The following IQGAP2 variants were observed in gnomAD, a reference collection of about 807,000 sequenced individuals.
IQGAP2 encodes ras GTPase-activating-like protein IQGAP2.
In IQGAP2, 173 loss-of-function variants were observed where a neutral mutation model predicts 201.3. The observed-to-expected ratio is 0.86, with a 90% confidence interval of 0.76 to 0.98. The LOEUF is 0.98. IQGAP2 is among the 50% of genes least tolerant of loss of function. IQGAP2 has a pLI of 0.00. For missense variants in IQGAP2, 1,687 were observed against 1,864.8 expected, an observed-to-expected ratio of 0.90 and a Z score of 1.76; for synonymous variants, 675 against 673.9, an observed-to-expected ratio of 1.00 and a Z score of -0.03.
intron 35 of IQGAP2, 130 bp from the exon 36 acceptor site, chr5:76,707,070 A>G: frequency 3.2e-6 from 2 of 620,078 alleles, no homozygotes. Flanking sequence ...CAACCTGGGC[A>G]ACATAGTTAG....
chr5:76,441,410 C>A, intron 1 of IQGAP2: 1 of 705,668 alleles, frequency 1.4e-6, no homozygotes, highest in Non-Finnish European at 1.7e-6. Flanking sequence ...GAATTAACTA[C>A]CTAAAGTACC....
chr5:76,609,038 TC>T, intron 12 of IQGAP2: 1 of 1,477,344 alleles, frequency 6.8e-7, no homozygotes, highest in Non-Finnish European at 9.1e-7. Flanking sequence ...ATGCATATGT[TC>T]CCAGAGGGCT....
chr5:76,454,750 C>T (rs1194616307), intron 1 of IQGAP2, among the ~76,000 whole-genome samples: 3 of 151,262 alleles, frequency 2.0e-5, no homozygotes, highest in Non-Finnish European at 4.4e-5. Context: ...CCGCAATAAA[C>T]ATACGTGTGC....
At chr5:76,438,025 TTTTTTGTTTG>T (rs1752807243) in intron 1 of IQGAP2, among the ~76,000 whole-genome samples, 1 of 53,594 alleles carries the variant, frequency 1.9e-5, no homozygotes, top group African/African-American at 7.0e-5. Flanking sequence ...TTTTTTTTTT[TTTTTTGTTTG>T]TTTTTTTTTT....
chr5:76,508,267 C>T (rs973281427), intron 2 of IQGAP2, among the ~76,000 whole-genome samples: 8 of 151,542 alleles, frequency 5.3e-5, no homozygotes, highest in South Asian at 2.1e-4. Flanking sequence ...CCAGGAGAGC[C>T]GAGATCTCGC....
chr5:76,564,541 T>C (rs940651151), intron 3 of IQGAP2, among the ~76,000 whole-genome samples: 4 of 152,216 alleles, frequency 2.6e-5, no homozygotes, highest in African/African-American at 7.2e-5. Flanking sequence ...ACCTTGAATA[T>C]AGGAGTGTCC....
chr5:76,496,734 TTTCTTTCTTTCTTTCTTTC>T, intron 2 of IQGAP2, among the ~76,000 whole-genome samples: 1 of 38,446 alleles, frequency 2.6e-5, no homozygotes, highest in Non-Finnish European at 5.2e-5. Context: ...CTTTTCTTTC[TTTCTTTCTTTCTTTCTTTC>T]TTTCTTTCTT....
chr5:76,529,687 T>A (rs889441220), intron 2 of IQGAP2, among the ~76,000 whole-genome samples: 2 of 149,972 alleles, frequency 1.3e-5, no homozygotes, highest in African/African-American at 4.9e-5. Flanking sequence ...TGGTTATTTT[T>A]AAAGTAATAT....
intron 9 of IQGAP2, among the ~76,000 whole-genome samples, chr5:76,595,795 AG>A (rs1181070440): frequency 2.6e-5 from 4 of 151,862 alleles, no homozygotes; most frequent in African/African-American, 9.7e-5. Flanking sequence ...AGAGAGAGAG[AG>A]AGAAAACAGT....
intron 32 of IQGAP2, 85 bp downstream of exon 32, chr5:76,695,751 CATTAGGG>C: frequency 9.8e-7 from 1 of 1,023,346 alleles, no homozygotes; most frequent in Non-Finnish European, 1.5e-6. Context: ...TGTGAGGTGG[CATTAGGG>C]ATTCATGGTT....
Position 76,695,437 on chromosome 5 carries a change from T to C in IQGAP2, c.3994-17T>C. 1.9e-6 allele frequency: 3 copies of C among 1,602,096 alleles called. No homozygotes were observed. Among genetic ancestry groups the C allele is most frequent in the Non-Finnish European group, 2.6e-6 (3 of 1,169,174 alleles). ...GGGGATCAGAGAAAACTCAGCATCTTGATATTCTCTTTTCAGGAGGTAGAC... is the reference window on the plus strand; with the variant it reads ...GGGGATCAGAGAAAACTCAGCATCTCGATATTCTCTTTTCAGGAGGTAGAC... On this transcript the variant is annotated splice_polypyrimidine_tract_variant and intron_variant, in intron 31 of 35. Transcript: ENST00000274364.
At chr5:76,596,213 T>C (rs1262751793) in intron 9 of IQGAP2, among the ~76,000 whole-genome samples, 2 of 152,232 alleles carry the variant, frequency 1.3e-5, no homozygotes, top group Non-Finnish European at 2.9e-5. Context: ...GAATCTTAGC[T>C]GCAATCTAGT....
At chr5:76,442,622 C>T (rs1447430046) in intron 1 of IQGAP2, among the ~76,000 whole-genome samples, 1 of 152,222 alleles carries the variant, frequency 6.6e-6, no homozygotes, top group Non-Finnish European at 1.5e-5. Flanking sequence ...TGCATGTAAA[C>T]ATCTCTACTT....
chr5:76,496,698 CTG>C (rs1756908811), intron 2 of IQGAP2, among the ~76,000 whole-genome samples: 1 of 79,554 alleles, frequency 1.3e-5, no homozygotes, highest in Non-Finnish European at 2.4e-5. Context: ...TTCTTTCTTT[CTG>C]TCTCTTTCTT....
At chr5:76,661,952 T>A (rs185268563) in intron 21 of IQGAP2, among the ~76,000 whole-genome samples, 1 of 152,240 alleles carries the variant, frequency 6.6e-6, no homozygotes, top group South Asian at 2.1e-4. Context: ...GGGACTATCA[T>A]GAACAAGCCA....
At chr5:76,577,199 C>T (rs1745528413) in intron 5 of IQGAP2, among the ~76,000 whole-genome samples, 1 of 146,070 alleles carries the variant, frequency 6.8e-6, no homozygotes. Flanking sequence ...TGTTAAGGAG[C>T]TTATAAACAA....
chr5:76,451,014 T>C (rs2150114599), intron 1 of IQGAP2, among the ~76,000 whole-genome samples: 1 of 152,292 alleles, frequency 6.6e-6, no homozygotes. Flanking sequence ...AGTCTTCTAA[T>C]TGTGTCTGTT....
intron 2 of IQGAP2, among the ~76,000 whole-genome samples, chr5:76,522,438 C>G (rs528044272): frequency 4.9e-4 from 74 of 152,288 alleles, no homozygotes; most frequent in African/African-American, 1.6e-3. Context: ...CCACCTCGGC[C>G]TCCCAAAGTG....
chr5:76,558,807 G>A (rs375553209), intron 2 of IQGAP2, among the ~76,000 whole-genome samples: 88 of 152,272 alleles, frequency 5.8e-4, no homozygotes, highest in Middle Eastern at 3.4e-3. Flanking sequence ...GTACTTGCTT[G>A]CAGTCACACC....
Sources: gnomAD v4.1 joint callset for allele counts (sites outside exome capture counted in the v4.1 genomes callset) on GRCh38, gnomAD v4.1.1 for gene constraint, MANE v1.5 for transcripts, NCBI Gene and HGNC (gene_info 2026-07-23, HGNC 2026-07-21) for gene names.